Variants in MOB1B observed in about 807,000 individuals in gnomAD.
The protein encoded by MOB1B is MOB1 Mps One Binder homolog B.
A neutral mutation model predicts 24.4 loss-of-function variants in MOB1B; 19 were observed. That is an observed-to-expected ratio of 0.78 (90% CI 0.54 to 1.14). The LOEUF is 1.14. Among genes scored for constraint, MOB1B ranks in the 50% most tolerant of loss-of-function variants. The pLI, the probability that MOB1B is intolerant of heterozygous loss-of-function variation, is 0.00. For missense variants in MOB1B, 243 were observed against 259.6 expected (o/e 0.94, Z 0.44); for synonymous variants, 76 against 82.1 (o/e 0.93, Z 0.40).
rs143999628 is a variant in MOB1B, at chr4:70,919,866, G to A, written c.14+17316G>A. ...AACTCTTAGAAATTTTAATTTTGAT[G>A]TAAAACCTGGTGAGTTATGTTCAAT... is the stretch of plus-strand genomic sequence containing the variant. On this transcript the variant is annotated intron_variant, in intron 1 of 5. Transcript: ENST00000309395. 4.3e-3 allele frequency among the ~76,000 whole-genome samples: 651 copies of A among 152,280 alleles called. 5 individuals carry two copies. The highest frequency in any genetic ancestry group is 0.015 in the African/African-American group (618 of 41,566).
rs1738689869 is a variant in MOB1B at position 70,969,932 on chromosome 4, T to G, written c.183T>G (p.Thr61=). ...TTACAACTGATACTTGCTTTACAGC[T>G]GTGGATTTCTTCAATCAGATCAACA... is the stretch of plus-strand genomic sequence containing the variant. ...EDLNEWVAVN[T]VDFFNQINML... Residue 61 remains threonine, a splice_region_variant and synonymous_variant, in exon 3 of 6, where the codon ACT becomes ACG. Coordinates refer to ENST00000309395, the MANE Select transcript of MOB1B (RefSeq NM_173468.4). 2 of 1,574,018 alleles carry G rather than the reference T, an allele frequency of 1.3e-6. No individual in the cohort carries two copies. The highest frequency in any genetic ancestry group is 3.4e-5 in the Admixed American group (2 of 58,006).
intron 1 of MOB1B, among the ~76,000 whole-genome samples, chr4:70,922,765 A>T (rs1407655982): frequency 6.6e-6 from 1 of 152,232 alleles, no homozygotes; most frequent in Non-Finnish European, 1.5e-5. Flanking sequence ...AAAATTGCTT[A>T]GACTTAATTT....
At chr4:70,967,365 C>T (rs1738575389) in intron 2 of MOB1B, among the ~76,000 whole-genome samples, 2 of 152,168 alleles carry the variant, frequency 1.3e-5, no homozygotes, top group Non-Finnish European at 2.9e-5. Flanking sequence ...AACTTCTGAC[C>T]TCAGATGGTC....
intron 1 of MOB1B, among the ~76,000 whole-genome samples, chr4:70,948,973 A>G (rs1560650055): frequency 1.3e-5 from 2 of 152,144 alleles, no homozygotes. Context: ...TCACTTGTGC[A>G]AAGATCCTGG....
rs759473680 is a variant in MOB1B at position 70,958,880 on chromosome 4, T to A, written c.21T>A (p.Ser7Arg). The A allele has an allele frequency of 6.2e-7, 1 of 1,609,110 alleles. No individual in the cohort carries two copies. Among genetic ancestry groups the A allele is most frequent in the South Asian group, 1.1e-5 (1 of 89,396 alleles). ...TTTTCTTTTCTATTCATAGTGGTAG[T>A]CGCTCTTCTAAAACTTTTAAACCAA... MSFLFG[S>R]RSSKTFKPKK... Residue 7 changes from serine to arginine, a missense_variant, in exon 2 of 6, where the codon AGT becomes AGA. By Grantham distance (110) the Ser-to-Arg change is moderately radical (BLOSUM62 -1). Coordinates refer to ENST00000309395, the MANE Select transcript of MOB1B (RefSeq NM_173468.4).
chr4:70,917,692 G>C (rs531137198), intron 1 of MOB1B, among the ~76,000 whole-genome samples: 13 of 152,310 alleles, frequency 8.5e-5, no homozygotes, highest in South Asian at 2.1e-4. Flanking sequence ...TTTAGCATCA[G>C]CCCTCTTGCA....
chr4:70,975,179 C>T lies in MOB1B; in HGVS notation c.302C>T (p.Thr101Met), dbSNP rs767528335. 22 of 1,607,996 alleles carry T rather than the reference C, an allele frequency of 1.4e-5. No individual in the cohort carries two copies. The highest frequency in any genetic ancestry group is 1.2e-4 in the African/African-American group (9 of 74,562). The part of the protein sequence containing the change: ...PKYEYHWADG[T>M]NIKKPIKCSA... ...TATGAGTATCATTGGGCAGATGGAA[C>T]GAACATAAAGAAACCTATTAAGTGC... The change falls in exon 4 of 6, where the codon ACG becomes ATG. Residue 101 changes from threonine to methionine, a missense_variant. By Grantham distance (81) the Thr-to-Met change is moderately conservative. Coordinates refer to ENST00000309395, the MANE Select transcript of MOB1B (RefSeq NM_173468.4).
chr4:70,958,044 A>T (rs1269520884), intron 1 of MOB1B, among the ~76,000 whole-genome samples: 1 of 152,108 alleles, frequency 6.6e-6, no homozygotes, highest in Admixed American at 6.5e-5. Context: ...AGCATTCAGA[A>T]ATTGGAGCAA....
rs562212676 is a variant in MOB1B at position 70,948,144 on chromosome 4, T to C, written c.15-10730T>C. Among the ~76,000 whole-genome samples, 563 of 152,330 alleles carry C rather than the reference T, an allele frequency of 3.7e-3. 4 individuals are homozygous for C. The highest frequency in any genetic ancestry group is 6.9e-3 in the Non-Finnish European group (469 of 68,030). The stretch of plus-strand genomic sequence containing the variant: ...CTAGATTTATGTTTTTGCCTCTGGA[T>C]GTCCCAGTGTCCCAAGTAGTAGAGA... On this transcript the variant is annotated intron_variant, in intron 1 of 5. Transcript: ENST00000309395.
intron 5 of MOB1B, among the ~76,000 whole-genome samples, chr4:70,981,095 T>C (rs988424733): frequency 1.3e-5 from 2 of 152,220 alleles, no homozygotes; most frequent in Non-Finnish European, 2.9e-5. Flanking sequence ...CATGTTTTAC[T>C]TAACAACATT....
chr4:70,928,334 C>T (rs1318060619), intron 1 of MOB1B, among the ~76,000 whole-genome samples: 3 of 146,430 alleles, frequency 2.0e-5, no homozygotes, highest in Non-Finnish European at 3.0e-5. Context: ...CTTGCTGTGT[C>T]ACCTAGGCTG....
chr4:70,969,214 C>T (rs1738657484), intron 2 of MOB1B, among the ~76,000 whole-genome samples: 1 of 152,152 alleles, frequency 6.6e-6, no homozygotes, highest in Non-Finnish European at 1.5e-5. Context: ...TCACTGCAGC[C>T]TGACTTCCTC....
At chr4:70,916,937 A>G (rs1312899485) in intron 1 of MOB1B, among the ~76,000 whole-genome samples, 1 of 152,224 alleles carries the variant, frequency 6.6e-6, no homozygotes, top group African/African-American at 2.4e-5. Context: ...GCAGCTGTTC[A>G]CATACTTCTC....
In MOB1B at chr4:70,986,589, C is replaced by G. The variant is rs888051289; in HGVS notation, c.*4532C>G. 6.6e-6 allele frequency: 1 copy of G among 151,948 alleles called. No individual in the cohort carries two copies. The highest frequency in any genetic ancestry group is 1.5e-5 in the Non-Finnish European group (1 of 67,948). The allele number at this position is 151,948 out of a possible 1,614,324, so 9.4% of individuals were successfully genotyped here. A position where few individuals can be genotyped will look rare whatever the true frequency, so the allele number is the denominator to read the frequency against. On this transcript the variant is annotated 3_prime_UTR_variant, in exon 6 of 6. Transcript: ENST00000309395. ...TAAAAACACAGATTTATACTTTAAG[C>G]TTATTTTAAAATTAAAGAATATATA...
intron 1 of MOB1B, among the ~76,000 whole-genome samples, chr4:70,952,677 A>C (rs1009195945): frequency 1.6e-4 from 25 of 151,590 alleles, no homozygotes; most frequent in African/African-American, 5.3e-4. Flanking sequence ...AAAACAAAAA[A>C]AAAACTTTCT....
upstream of MOB1B, among the ~76,000 whole-genome samples, chr4:70,902,154 C>T (rs946099775): frequency 6.6e-6 from 1 of 152,158 alleles, no homozygotes; most frequent in Middle Eastern, 3.2e-3. Context: ...CGCTGGGCGT[C>T]GTCCCTAGCA....
intron 1 of MOB1B, among the ~76,000 whole-genome samples, chr4:70,925,307 G>A (rs1465142052): frequency 3.9e-5 from 6 of 152,182 alleles, no homozygotes; most frequent in Non-Finnish European, 7.3e-5. Flanking sequence ...ACAGTGCTGG[G>A]ATTACGGGCA....
chr4:70,979,365 T>C, intron 5 of MOB1B, 74 bp downstream of exon 5: 1 of 1,162,142 alleles, frequency 8.6e-7, no homozygotes. Context: ...AATACTGTAT[T>C]CACACTGTCA....
At chr4:70,927,038 C>A (rs1578358468) in intron 1 of MOB1B, among the ~76,000 whole-genome samples, 1 of 151,552 alleles carries the variant, frequency 6.6e-6, no homozygotes, top group East Asian at 1.9e-4. Context: ...CGGTCTCTGT[C>A]CTCAAGAATC....
Sources: allele counts gnomAD v4.1 joint callset (sites outside exome capture counted in the v4.1 genomes callset), GRCh38; gene constraint gnomAD v4.1.1; transcripts MANE v1.5; gene names NCBI Gene and HGNC (gene_info 2026-07-23, HGNC 2026-07-21).